CACNA1E: variants seen among roughly 807,000 people sequenced by gnomAD.
CACNA1E encodes voltage-dependent R-type calcium channel subunit alpha-1E.
In CACNA1E, 40 loss-of-function variants were observed where a neutral mutation model predicts 259.2. The observed-to-expected ratio is 0.15, with a 90% CI of 0.12 to 0.20. CACNA1E has a LOEUF of 0.20. Ranked by LOEUF, CACNA1E falls within the 10% of genes least tolerant of loss-of-function variation. The pLI is 1.00. For synonymous variants in CACNA1E, 1,104 were observed against 1,138.5 expected (o/e 0.97, Z 0.61); for missense variants, 1,874 against 3,040.1 (o/e 0.62, Z 9.02).
chr1:181,358,322 G>A (rs1165111831), intron 1 of CACNA1E, among the ~76,000 whole-genome samples: 3 of 152,118 alleles, frequency 2.0e-5, no homozygotes, highest in African/African-American at 7.2e-5. Context: ...TGGAGACTTA[G>A]CTTGGAACCT....
At chr1:181,677,703 GGA>G (rs1447156403) in intron 7 of CACNA1E, among the ~76,000 whole-genome samples, 2 of 152,280 alleles carry the variant, frequency 1.3e-5, no homozygotes, top group East Asian at 3.9e-4. Flanking sequence ...ATTCTGGGCT[GGA>G]GATACCACTG....
intron 7 of CACNA1E, among the ~76,000 whole-genome samples, chr1:181,680,680 C>T (rs1231448087): frequency 6.6e-6 from 1 of 152,214 alleles, no homozygotes; most frequent in Non-Finnish European, 1.5e-5. Flanking sequence ...CACCACACCC[C>T]ATCCCTGTCC....
intron 2 of CACNA1E, among the ~76,000 whole-genome samples, chr1:181,435,593 A>G (rs998709538): frequency 6.6e-6 from 1 of 152,104 alleles, no homozygotes; most frequent in Non-Finnish European, 1.5e-5. Context: ...TGACCACTCT[A>G]TTTCATTGTA....
At position 181,391,348 on chromosome 1, in the gene CACNA1E, T is replaced by G. The variant is rs374399749; in HGVS notation, c.-14-21785T>G. Among the ~76,000 whole-genome samples the G allele has an allele frequency of 2.6e-5, 4 of 152,326 alleles. No individual in the cohort carries two copies. In the East Asian group the frequency reaches 5.8e-4, roughly 22 times the overall value. On this transcript the variant is annotated intron_variant, in intron 1 of 11. Transcript: ENST00000524607. ...TCGGGATCCAGCTGTGAAACAACTT[T>G]GGGTATTTCAAGCAGGGAATATTAA...
At position 181,642,542 on chromosome 1, in the gene CACNA1E, T is replaced by C. The variant is rs73059754; in HGVS notation, c.952-8796T>C. ...AGCCTCCTGTACTCTTTTGCGTTTC[T>C]GATACTCACCTCCCCTCTTGTTTTC... On this transcript the variant is annotated intron_variant, in intron 6 of 47. Coordinates refer to ENST00000367573, the MANE Select transcript of CACNA1E (RefSeq NM_001205293.3). 2.5e-3 allele frequency among the ~76,000 whole-genome samples: 385 copies of C among 152,324 alleles called. 4 individuals carry two copies. Among genetic ancestry groups the C allele is most frequent in the African/African-American group, 9.0e-3 (372 of 41,556 alleles).
At chr1:181,740,465 C>A (rs1656461016) in intron 25 of CACNA1E, among the ~76,000 whole-genome samples, 1 of 148,036 alleles carries the variant, frequency 6.8e-6, no homozygotes, top group Non-Finnish European at 1.5e-5. Flanking sequence ...TCCTTTCTGG[C>A]AGAAAAACAG....
intron 2 of CACNA1E, among the ~76,000 whole-genome samples, chr1:181,447,360 TA>T (rs879611961): frequency 1.7e-3 from 228 of 134,840 alleles, no homozygotes; most frequent in Non-Finnish European, 1.6e-3. Flanking sequence ...ACCTCATCTC[TA>T]AAAAAAAAAA....
chr1:181,484,008 G>T lies in CACNA1E; in HGVS notation c.264G>T (p.Trp88Cys). 1 of 1,612,986 alleles carries T rather than the reference G, an allele frequency of 6.2e-7. No homozygotes were observed. Among genetic ancestry groups the T allele is most frequent in the Non-Finnish European group, 8.5e-7 (1 of 1,179,190 alleles). Residue 88 changes from tryptophan (W) to cysteine (C), a missense_variant and splice_region_variant, in exon 1 of 48, where the codon TGG (tryptophan) becomes TGT (cysteine). Coordinates refer to ENST00000367573, the MANE Select transcript of CACNA1E (RefSeq NM_001205293.3). ...AATATGCCAAGAAGCTCATCGATTG[G>T]CCATATCCTTTCTTGCCCACCATAA... Reference protein sequence around the residue: ...VRKYAKKLIDWPPFEYMILAT... With the variant: ...VRKYAKKLIDCPPFEYMILAT...
intron 2 of CACNA1E, among the ~76,000 whole-genome samples, chr1:181,477,883 G>A (rs1662968887): frequency 6.6e-6 from 1 of 152,200 alleles, no homozygotes; most frequent in Non-Finnish European, 1.5e-5. Context: ...CAGCCCAGTG[G>A]AGCAGAATGG....
chr1:181,650,096 T>G (rs1658625999), intron 6 of CACNA1E, among the ~76,000 whole-genome samples: 1 of 152,178 alleles, frequency 6.6e-6, no homozygotes, highest in South Asian at 2.1e-4. Context: ...CTGGAATATT[T>G]GAATGGGAGA....
Position 181,776,222 on chromosome 1 carries a change from C to T in CACNA1E, c.5261C>T (p.Ala1754Val). 1 of 1,613,998 alleles carries T rather than the reference C, an allele frequency of 6.2e-7. No homozygotes were observed. The highest frequency in any genetic ancestry group is 2.2e-5 in the East Asian group (1 of 44,878). The change falls in exon 38 of 48, where the codon GCA (alanine) becomes GTA (valine). Residue 1754 changes from alanine to valine, a missense_variant. Around this residue, in one of 14 missense-constraint regions of CACNA1E, gnomAD observed 147 missense variants for 337.1 expected, o/e 0.44. Coordinates refer to ENST00000367573, the MANE Select transcript of CACNA1E (RefSeq NM_001205293.3). This position sits in a 1 kb window ranked among gnomAD's most constrained non-coding sequence, Gnocchi z 4.4. ...FVRVWAEYDR[A>V]ACGRIHYTEM... Reference sequence around the variant, plus strand: ...CGCGTCTGGGCAGAATATGACCGAGCAGCATGGTGCGTAGGCCCCTCGGCC... The same window carrying T: ...CGCGTCTGGGCAGAATATGACCGAGTAGCATGGTGCGTAGGCCCCTCGGCC...
chr1:181,427,131 C>T (rs988132376), intron 2 of CACNA1E, among the ~76,000 whole-genome samples: 4 of 151,840 alleles, frequency 2.6e-5, no homozygotes, highest in African/African-American at 9.7e-5. Context: ...TCAGTGTCTC[C>T]CCAACTTGAC....
chr1:181,559,113 T>A (rs1243210169), intron 3 of CACNA1E, among the ~76,000 whole-genome samples: 1 of 152,140 alleles, frequency 6.6e-6, no homozygotes, highest in East Asian at 1.9e-4. Flanking sequence ...ATCACAGAGA[T>A]CAGTGGAGAC....
In CACNA1E at chr1:181,634,163, G is replaced by A. The variant is rs78402559; in HGVS notation, c.952-17175G>A. Among the ~76,000 whole-genome samples, 567 of 152,254 alleles carry A rather than the reference G, an allele frequency of 3.7e-3. 4 individuals are homozygous for A. Among genetic ancestry groups the A allele is most frequent in the African/African-American group, 0.013 (540 of 41,538 alleles). On this transcript the variant is annotated intron_variant, in intron 6 of 47. Transcript: ENST00000367573. The stretch of plus-strand genomic sequence containing the variant: ...TTCTAGCTCTCATTTTATGACTTAC[G>A]TGTCAGTTCACACCTCTAAGCTCAC...
chr1:181,732,316 C>T lies in CACNA1E; in HGVS notation c.2298-68C>T. 6.9e-7 allele frequency: 1 copy of T among 1,454,452 alleles called. No homozygotes were observed. Among genetic ancestry groups the T allele is most frequent in the Non-Finnish European group, 9.1e-7 (1 of 1,104,694 alleles). The allele number at this position is 1,454,452 out of a possible 1,614,324, so 90.1% of individuals were successfully genotyped here. A position where few individuals can be genotyped will look rare whatever the true frequency, so the allele number is the denominator to read the frequency against. On this transcript the variant is annotated intron_variant, in intron 19 of 47. Transcript: ENST00000367573. The surrounding 1 kb of genome is among the most constrained non-coding windows in gnomAD (Gnocchi z 5.5). Reference sequence around the variant, plus strand: ...ATGTGTCCTGCCCTCTCACATGGCCCCTGTGGCCACCCTCCCTGCCTGCAG... The same window carrying T: ...ATGTGTCCTGCCCTCTCACATGGCCTCTGTGGCCACCCTCCCTGCCTGCAG...
At chr1:181,623,513 A>G (rs1655915542) in intron 6 of CACNA1E, among the ~76,000 whole-genome samples, 1 of 152,222 alleles carries the variant, frequency 6.6e-6, no homozygotes, top group Admixed American at 6.5e-5. Flanking sequence ...TAGATTACAA[A>G]TTTTGAAAAA....
At chr1:181,524,652 G>A (rs560126876) in intron 3 of CACNA1E, among the ~76,000 whole-genome samples, 57 of 152,320 alleles carry the variant, frequency 3.7e-4, no homozygotes, top group East Asian at 1.2e-3. Flanking sequence ...CTATGATCTC[G>A]TGGTTTATGT....
chr1:181,752,310 G>A (rs1027267804), intron 27 of CACNA1E, 71 bp downstream of exon 27: 1 of 1,112,024 alleles, frequency 9.0e-7, no homozygotes, highest in African/African-American at 1.5e-5. Flanking sequence ...TGGCTGGCCT[G>A]CCTTTGGAGA....
At chr1:181,738,212 G>T (rs1656241216) in intron 23 of CACNA1E, among the ~76,000 whole-genome samples, 155 bp from the exon 24 acceptor site, 1 of 152,230 alleles carries the variant, frequency 6.6e-6, no homozygotes, top group African/African-American at 2.4e-5. Context: ...TCTCAGTCCA[G>T]CTAGTGGCTC....
Sources: gnomAD v4.1 joint callset for allele counts (sites outside exome capture counted in the v4.1 genomes callset) on GRCh38, gnomAD v4.1.1 for gene constraint, gnomAD v4.1.1 regional missense constraint, Gnocchi (gnomAD v3.1) non-coding constraint, MANE v1.5 for transcripts, NCBI Gene and HGNC (gene_info 2026-07-23, HGNC 2026-07-21) for gene names.